C4orf51: variants seen among roughly 807,000 people sequenced by gnomAD.
C4orf51 encodes chromosome 4 open reading frame 51.
In C4orf51, 25 loss-of-function variants were observed where a neutral mutation model predicts 25.2. The observed-to-expected ratio is 0.99, with a 90% CI of 0.72 to 1.39. C4orf51 has a LOEUF of 1.39. Among genes scored for constraint, C4orf51 ranks in the 40% most tolerant of loss-of-function variants. The pLI is 0.00. For missense variants in C4orf51, 252 were observed against 239.6 expected (o/e 1.05, Z -0.34); for synonymous variants, 100 against 84.5 (o/e 1.18, Z -1.01).
At chr4:145,756,956 C>T (rs980622492), downstream of C4orf51, among the ~76,000 whole-genome samples, 12 of 152,116 alleles carry the variant, frequency 7.9e-5, no homozygotes, top group African/African-American at 2.9e-4. Context: ...TATAAGCATG[C>T]AAATTACAAA....
downstream of C4orf51, among the ~76,000 whole-genome samples, chr4:145,773,211 T>C (rs1011894823): frequency 3.9e-5 from 6 of 152,224 alleles, no homozygotes. Context: ...GTCTTCAACA[T>C]GGGTTTCCCA....
the C4orf51 span, among the ~76,000 whole-genome samples, chr4:145,787,556 C>T: frequency 5.9e-5 from 9 of 151,306 alleles, no homozygotes; most frequent in African/African-American, 2.2e-4. Flanking sequence ...TAAGAGTTAA[C>T]AGCCTTGATC....
downstream of C4orf51, chr4:145,759,234 G>T (rs1476652214): frequency 6.6e-6 from 1 of 152,050 alleles, no homozygotes; most frequent in Non-Finnish European, 1.5e-5. Context: ...TGGAAATTCT[G>T]TTGTTTTAAA....
At chr4:145,712,788 T>A (rs1731203509) in intron 2 of C4orf51, among the ~76,000 whole-genome samples, 1 of 152,252 alleles carries the variant, frequency 6.6e-6, no homozygotes, top group Admixed American at 6.5e-5. Context: ...TGGAAGAAGA[T>A]GCCATCTAGA....
intron 1 of C4orf51, among the ~76,000 whole-genome samples, chr4:145,751,192 G>A (rs180872787): frequency 2.0e-5 from 3 of 152,198 alleles, no homozygotes; most frequent in Non-Finnish European, 4.4e-5. Context: ...GGATGATCTT[G>A]ATGCTTGAGG....
chr4:145,765,720 G>A lies in C4orf51; in HGVS notation n.167-5268G>A, dbSNP rs376528528. 41 of 1,613,622 alleles carry A rather than the reference G, an allele frequency of 2.5e-5. No individual in the cohort carries two copies. The highest frequency in any genetic ancestry group is 3.2e-5 in the Non-Finnish European group (38 of 1,179,854). ...TGAAGAGGGGCTATTTGATTCGCTG[G>A]GGGTCTTCCTGTCTTCCCCTGAAAA... On this transcript the variant is annotated intron_variant and non_coding_transcript_variant, in intron 1 of 1. Coordinates refer to the C4orf51 transcript ENST00000510096. The surrounding 1 kb of genome is among the most constrained non-coding windows in gnomAD (Gnocchi z 4.7).
intron 2 of C4orf51, among the ~76,000 whole-genome samples, chr4:145,720,440 G>T (rs758261581): frequency 1.3e-5 from 2 of 152,130 alleles, no homozygotes; most frequent in African/African-American, 2.4e-5. Context: ...CTCCCCCAAA[G>T]GAGCCCTAGG....
At chr4:145,757,478 G>A (rs1734037742), downstream of C4orf51, 1 of 152,114 alleles carries the variant, frequency 6.6e-6, no homozygotes, top group Non-Finnish European at 1.5e-5. Context: ...TTCAACACTT[G>A]AATTTTGTGA....
intron 3 of C4orf51, 146 bp from the exon 4 acceptor site, chr4:145,729,023 T>G (rs1732269773): frequency 3.2e-6 from 2 of 620,020 alleles, no homozygotes; most frequent in Non-Finnish European, 5.7e-6. Flanking sequence ...GAGACTACAC[T>G]GCACTCACAG....
chr4:145,715,076 C>T (rs1731333211), intron 2 of C4orf51, among the ~76,000 whole-genome samples: 1 of 152,174 alleles, frequency 6.6e-6, no homozygotes, highest in Non-Finnish European at 1.5e-5. Flanking sequence ...GAGGCTTGTA[C>T]TTGCTGTCTC....
chr4:145,720,330 G>C (rs1038604506), intron 2 of C4orf51, among the ~76,000 whole-genome samples: 16 of 152,226 alleles, frequency 1.1e-4, no homozygotes, highest in African/African-American at 3.9e-4. Flanking sequence ...GGCCTCCTCT[G>C]TTCTGAAGTC....
intron 1 of C4orf51, among the ~76,000 whole-genome samples, chr4:145,694,288 C>T (rs1338072504): frequency 6.9e-6 from 1 of 145,036 alleles, no homozygotes; most frequent in African/African-American, 2.6e-5. Context: ...CCAGACTGGG[C>T]AGCCAGGCAG....
intron 2 of C4orf51, among the ~76,000 whole-genome samples, chr4:145,707,163 T>A (rs1031265250): frequency 2.0e-5 from 3 of 151,888 alleles, no homozygotes; most frequent in African/African-American, 7.3e-5. Context: ...ATGGTCTCGA[T>A]CCCCTGACCT....
chr4:145,774,496 G>C (rs1358617204), downstream of C4orf51: 3 of 1,606,806 alleles, frequency 1.9e-6, no homozygotes, highest in African/African-American at 4.0e-5. Context: ...GGACAGACAG[G>C]AATGGTCACC....
chr4:145,741,539 T>TGGAGG, intron 1 of C4orf51, among the ~76,000 whole-genome samples: 1 of 152,234 alleles, frequency 6.6e-6, no homozygotes, highest in South Asian at 2.1e-4. Context: ...AAAATTAGTT[T>TGGAGG]GGAGTGTGGC....
In C4orf51 at chr4:145,761,154, T is replaced by C. The variant is rs1338696122; in HGVS notation, n.167-9834T>C. ...CCGGGCCGGCCGGTTCCTTGGGGGCTGGACACAGGCCCTTCTTGTCCTCCT... is the reference window on the plus strand; with the variant it reads ...CCGGGCCGGCCGGTTCCTTGGGGGCCGGACACAGGCCCTTCTTGTCCTCCT... On this transcript the variant is annotated intron_variant and non_coding_transcript_variant, in intron 1 of 1. Transcript: ENST00000510096. The surrounding 1 kb of genome is among the most constrained non-coding windows in gnomAD (Gnocchi z 6.8). 9.3e-6 allele frequency: 12 copies of C among 1,289,720 alleles called. No individual in the cohort carries two copies. Among genetic ancestry groups the C allele is most frequent in the Non-Finnish European group, 1.2e-5 (12 of 988,858 alleles). The allele number at this position is 1,289,720 out of a possible 1,614,324, so 79.9% of individuals were successfully genotyped here. A position where few individuals can be genotyped will look rare whatever the true frequency, so the allele number is the denominator to read the frequency against.
chr4:145,740,238 T>C (rs1432794618), intron 1 of C4orf51, among the ~76,000 whole-genome samples: 6 of 103,638 alleles, frequency 5.8e-5, no homozygotes, highest in Non-Finnish European at 8.9e-5. Context: ...TCTCCCTTTC[T>C]GCAAAAAAAA....
At chr4:145,777,963 T>C in the C4orf51 span, among the ~76,000 whole-genome samples, 1 of 152,162 alleles carries the variant, frequency 6.6e-6, no homozygotes, top group African/African-American at 2.4e-5. Context: ...TTATTTAAAA[T>C]TTCATTTAAG....
chr4:145,698,634 G>T (rs1730231654), intron 2 of C4orf51, among the ~76,000 whole-genome samples: 1 of 152,172 alleles, frequency 6.6e-6, no homozygotes, highest in Admixed American at 6.5e-5. Flanking sequence ...TGTTCTATCA[G>T]TCTTAAGGTC....
Sources: gnomAD v4.1 joint callset for allele counts (sites outside exome capture counted in the v4.1 genomes callset) on GRCh38, gnomAD v4.1.1 for gene constraint, Gnocchi (gnomAD v3.1) non-coding constraint, MANE v1.5 for transcripts, NCBI Gene and HGNC (gene_info 2026-07-23, HGNC 2026-07-21) for gene names.